The following RAB30 variants were observed in gnomAD, a reference collection of about 807,000 sequenced individuals.
RAB30 encodes the protein ras-related protein Rab-30.
Under a neutral mutation model 25.1 loss-of-function variants are expected in RAB30, and 9 were observed. That is an observed-to-expected ratio of 0.36 (90% CI 0.22 to 0.63). The LOEUF (loss-of-function observed/expected upper bound fraction) is 0.63. Among genes scored for constraint, RAB30 ranks in the 20% least tolerant of loss-of-function variants. The probability of loss-of-function intolerance (pLI) is 0.69; values close to 1 mark genes in which losing one functional copy is unlikely to be tolerated. For missense variants in RAB30, 140 were observed against 243.5 expected (o/e 0.58, Z 2.83); for synonymous variants, 77 against 86.4 (o/e 0.89, Z 0.60).
At chr11:83,046,187 C>T (rs1858229177) in intron 1 of RAB30, among the ~76,000 whole-genome samples, 1 of 152,190 alleles carries the variant, frequency 6.6e-6, no homozygotes, top group South Asian at 2.1e-4. Flanking sequence ...AATTGTGCAT[C>T]CTTAATCCCA....
intron 1 of RAB30, among the ~76,000 whole-genome samples, chr11:83,070,656 C>T (rs1858817666): frequency 6.6e-6 from 1 of 152,064 alleles, no homozygotes; most frequent in Admixed American, 6.6e-5. Context: ...CCCTAATTAT[C>T]CCTATAACTC....
At chr11:82,990,294 C>A (rs1856825572) in intron 3 of RAB30, among the ~76,000 whole-genome samples, 2 of 152,194 alleles carry the variant, frequency 1.3e-5, no homozygotes, top group Non-Finnish European at 1.5e-5. Flanking sequence ...TGACCTTACA[C>A]CCCCAGTACC....
chr11:83,023,389 G>A (rs1857627530), intron 1 of RAB30, among the ~76,000 whole-genome samples: 1 of 152,180 alleles, frequency 6.6e-6, no homozygotes, highest in South Asian at 2.1e-4. Flanking sequence ...TGAAATGTTG[G>A]TTAAGGGAAG....
At chr11:83,016,713 G>A (rs1857446504) in intron 1 of RAB30, among the ~76,000 whole-genome samples, 1 of 152,172 alleles carries the variant, frequency 6.6e-6, no homozygotes, top group African/African-American at 2.4e-5. Flanking sequence ...ATATACAACA[G>A]CATTTGCAAA....
chr11:83,038,067 C>T (rs1030210942), intron 1 of RAB30, among the ~76,000 whole-genome samples: 1 of 152,100 alleles, frequency 6.6e-6, no homozygotes, highest in African/African-American at 2.4e-5. Context: ...AAACAGATGA[C>T]TCCTTGACTG....
intron 1 of RAB30, among the ~76,000 whole-genome samples, chr11:83,007,005 T>G (rs757767476): frequency 2.0e-5 from 3 of 152,198 alleles, no homozygotes; most frequent in Non-Finnish European, 4.4e-5. Context: ...AGCTTAGAAA[T>G]TACTCTCACT....
chr11:83,003,570 G>C (rs1490526514), intron 1 of RAB30, among the ~76,000 whole-genome samples: 5 of 152,106 alleles, frequency 3.3e-5, no homozygotes, highest in African/African-American at 1.2e-4. Flanking sequence ...TTACAGGCAT[G>C]CACCACCATG....
chr11:82,994,226 C>A, intron 2 of RAB30, 104 bp from the exon 3 acceptor site: 1 of 910,172 alleles, frequency 1.1e-6, no homozygotes, highest in African/African-American at 1.7e-5. Context: ...CTTCCTTCAG[C>A]TGAGGTGACT....
intron 1 of RAB30, among the ~76,000 whole-genome samples, chr11:83,053,277 C>G (rs1858392759): frequency 6.6e-6 from 1 of 152,066 alleles, no homozygotes; most frequent in South Asian, 2.1e-4. Context: ...CTTATAAAGC[C>G]AGGATAAGAA....
chr11:83,036,167 TC>T (rs1291433503), intron 1 of RAB30, among the ~76,000 whole-genome samples: 1 of 151,124 alleles, frequency 6.6e-6, no homozygotes, highest in Admixed American at 6.6e-5. Flanking sequence ...AGGTTCAAAT[TC>T]TTTTTTTTTT....
At chr11:83,003,164 T>C (rs935125282) in intron 1 of RAB30, among the ~76,000 whole-genome samples, 1 of 152,188 alleles carries the variant, frequency 6.6e-6, no homozygotes, top group Non-Finnish European at 1.5e-5. Context: ...GGTTTCCTCA[T>C]CCATAAAATG....
Position 83,071,872 on chromosome 11 carries a change from A to AGGGGGTGGAGAGACTGCT in RAB30, c.-191_-190insAGCAGTCTCTCCACCCCC. ...CGGCAATCGCAAGCCCAGCAGCAGC[A>AGGGGGTGGAGAGACTGCT]GGGGGTGGAGAGACCGTAGCACAAT... On this transcript the variant is annotated 5_prime_UTR_variant, in exon 1 of 5. Coordinates refer to ENST00000527633, the MANE Select transcript of RAB30 (RefSeq NM_001286060.2). The AGGGGGTGGAGAGACTGCT allele has an allele frequency of 2.6e-6, 1 of 379,938 alleles. No individual in the cohort carries two copies. The highest frequency in any genetic ancestry group is 2.1e-5 in the African/African-American group (1 of 48,332). 23.5% of individuals were successfully genotyped at this position (379,938 alleles called of 1,614,324 possible).
Position 82,980,204 on chromosome 11 carries a change from A to C in RAB30, c.*1961T>G, listed in dbSNP as rs187445421. On this transcript the variant is annotated 3_prime_UTR_variant, in exon 5 of 5. Coordinates refer to ENST00000527633, the MANE Select transcript of RAB30 (RefSeq NM_001286060.2). ...GTGGAGAGGATGGGGAGGGAAAGGC[A>C]ACAATTATTATAAATTATTTTGGTT... 1 of 152,324 alleles carries C rather than the reference A, an allele frequency of 6.6e-6. No homozygotes were observed. The highest frequency in any genetic ancestry group is 2.4e-5 in the African/African-American group (1 of 41,576). The allele number at this position is 152,324 out of a possible 1,614,324, so 9.4% of individuals were successfully genotyped here.
In RAB30 at chr11:83,071,785, C is replaced by A. The variant is rs750692525; in HGVS notation, c.-103G>T. 9.7e-6 allele frequency: 3 copies of A among 308,304 alleles called. No homozygotes were observed. Among genetic ancestry groups the A allele is most frequent in the Admixed American group, 5.0e-5 (1 of 19,904 alleles). 19.1% of individuals were successfully genotyped at this position (308,304 alleles called of 1,614,324 possible). A position where few individuals can be genotyped will look rare whatever the true frequency, so the allele number is the denominator to read the frequency against. ...AGGGAAGGTCTGCGATGTCCTGAGT[C>A]CAAGGGCTGGAGTCAGTCCCTGCCC... On this transcript the variant is annotated 5_prime_UTR_variant, in exon 1 of 5. Transcript: ENST00000527633.
chr11:83,010,586 G>T (rs1857281994), intron 1 of RAB30, among the ~76,000 whole-genome samples: 1 of 151,626 alleles, frequency 6.6e-6, no homozygotes, highest in Non-Finnish European at 1.5e-5. Flanking sequence ...AATATCTTAG[G>T]GGCTCAATAG....
chr11:82,989,445 C>T (rs1442422013), intron 3 of RAB30, among the ~76,000 whole-genome samples: 2 of 152,240 alleles, frequency 1.3e-5, no homozygotes, highest in Non-Finnish European at 2.9e-5. Flanking sequence ...CGATGATACA[C>T]ATGAAAGCCT....
At chr11:83,002,225 TC>T (rs149435951) in intron 1 of RAB30, among the ~76,000 whole-genome samples, 5,345 of 152,178 alleles carry the variant, frequency 0.035, 331 homozygotes, top group African/African-American at 0.12. Context: ...TTCTAGAATC[TC>T]CCTGCTCCGG....
intron 1 of RAB30, among the ~76,000 whole-genome samples, chr11:83,046,753 C>T (rs774308137): frequency 3.3e-5 from 5 of 152,148 alleles, no homozygotes; most frequent in Non-Finnish European, 7.3e-5. Flanking sequence ...ACTTGGCCTG[C>T]CAAAGTGCTG....
rs116709740 is a variant in RAB30, at chr11:83,025,006, G to C, written c.-8-27682C>G. Reference sequence around the variant, plus strand: ...CCGTTTAACCGAGCATCCCAAGTTTGTTTGAACGCTAGTAAGTTCCCTATT... The same window carrying C: ...CCGTTTAACCGAGCATCCCAAGTTTCTTTGAACGCTAGTAAGTTCCCTATT... On this transcript the variant is annotated intron_variant, in intron 1 of 4. Transcript: ENST00000527633. Among the ~76,000 whole-genome samples the C allele has an allele frequency of 3.3e-5, 5 of 152,292 alleles. No homozygotes were observed. In the South Asian group the frequency reaches 1.0e-3, roughly 32 times the overall value.
Sources: gnomAD v4.1 joint callset for allele counts (sites outside exome capture counted in the v4.1 genomes callset) on GRCh38, gnomAD v4.1.1 for gene constraint, MANE v1.5 for transcripts, NCBI Gene and HGNC (gene_info 2026-07-23, HGNC 2026-07-21) for gene names.